Variants in SLC19A2 observed in about 807,000 individuals in gnomAD.
The protein encoded by SLC19A2 is thiamine transporter 1.
A neutral mutation model predicts 44.7 loss-of-function variants in SLC19A2; 27 were observed. That is an observed-to-expected ratio of 0.60 (90% CI 0.45 to 0.83). The LOEUF (loss-of-function observed/expected upper bound fraction) is 0.83. SLC19A2 is among the 40% of genes least tolerant of loss of function. The pLI is 0.00. For missense variants in SLC19A2, 566 were observed against 613.7 expected, an observed-to-expected ratio of 0.92 and a Z score of 0.82; for synonymous variants, 239 against 243.6, an observed-to-expected ratio of 0.98 and a Z score of 0.18.
chr1:169,473,530 G>T (rs1447899132), intron 2 of SLC19A2, among the ~76,000 whole-genome samples: 1 of 151,866 alleles, frequency 6.6e-6, no homozygotes, highest in Non-Finnish European at 1.5e-5. Context: ...ACAGGTGTGA[G>T]TCACCATGCC....
intron 1 of SLC19A2, among the ~76,000 whole-genome samples, chr1:169,481,069 C>A (rs1178050293): frequency 6.6e-6 from 1 of 152,132 alleles, no homozygotes; most frequent in Non-Finnish European, 1.5e-5. Flanking sequence ...AAATAAGAAA[C>A]CTGCATTTTC....
chr1:169,485,474 C>A (rs1320591800), intron 1 of SLC19A2, 89 bp downstream of exon 1: 11 of 1,401,080 alleles, frequency 7.9e-6, no homozygotes, highest in Non-Finnish European at 1.1e-5. Context: ...GAGAATGGCT[C>A]GAGCGCTTTT....
intron 3 of SLC19A2, chr1:169,469,062 G>C (rs537768367): frequency 7.4e-6 from 4 of 538,838 alleles, no homozygotes; most frequent in Non-Finnish European, 1.3e-5. Context: ...GTGGCAATGA[G>C]ATGAAAATGC....
chr1:169,483,653 T>C (rs1053788888), intron 1 of SLC19A2, among the ~76,000 whole-genome samples: 1 of 152,240 alleles, frequency 6.6e-6, no homozygotes, highest in African/African-American at 2.4e-5. Context: ...AGCTTTCTGA[T>C]AGGACAGAGC....
rs1015147875 is a variant in SLC19A2 at position 169,476,797 on chromosome 1, T to G, written c.807+358A>C. Among the ~76,000 whole-genome samples the G allele has an allele frequency of 2.0e-5, 3 of 152,302 alleles. No homozygotes were observed. In the South Asian group the frequency reaches 6.2e-4, roughly 32 times the overall value. On this transcript the variant is annotated intron_variant, in intron 2 of 5. Transcript: ENST00000236137. ...GTAGATACTTAATCATTTATTAGAATCATTTCATCTACTCATTTAGCAACA... is the reference window on the plus strand; with the variant it reads ...GTAGATACTTAATCATTTATTAGAAGCATTTCATCTACTCATTTAGCAACA...
At position 169,485,740 on chromosome 1, in the gene SLC19A2, C is replaced by T. The variant is rs746840565; in HGVS notation, c.27G>A (p.Arg9=). The change falls in exon 1 of 6, where the codon CGG becomes CGA. Residue 9 remains arginine (R), a synonymous_variant. Coordinates refer to ENST00000236137, the MANE Select transcript of SLC19A2 (RefSeq NM_006996.3). The part of the protein sequence containing the change: MDVPGPVS[R]RAAAAAATVL... ...CAGTGGCCGCCGCCGCCGCCGCCCG[C>T]CGAGACACCGGGCCGGGCACATCCA... 5.4e-5 allele frequency: 83 copies of T among 1,536,334 alleles called. 1 individual carries two copies. Among genetic ancestry groups the T allele is most frequent in the Non-Finnish European group, 1.7e-6 (2 of 1,145,308 alleles).
rs1424765654 is a variant in SLC19A2 at position 169,465,890 on chromosome 1, G to A, written c.1453C>T (p.Leu485=). The A allele has an allele frequency of 6.2e-7, 1 of 1,613,990 alleles. No individual in the cohort carries two copies. The highest frequency in any genetic ancestry group is 8.5e-7 in the Non-Finnish European group (1 of 1,179,894). Residue 485 remains leucine, a synonymous_variant, in exon 6 of 6, where the codon CTG becomes TTG. Coordinates refer to ENST00000236137, the MANE Select transcript of SLC19A2 (RefSeq NM_006996.3). ...TGAGAACTTGATTGTGGATCTTCCAGCTTTCTACATTTCTTCATAACACTG... is the reference window on the plus strand; with the variant it reads ...TGAGAACTTGATTGTGGATCTTCCAACTTTCTACATTTCTTCATAACACTG... The part of the protein sequence containing the change: ...AVSVMKKCRK[L]EDPQSSSQVT...
chr1:169,478,020 C>A (rs1658365551), intron 1 of SLC19A2, among the ~76,000 whole-genome samples: 1 of 152,124 alleles, frequency 6.6e-6, no homozygotes, highest in Non-Finnish European at 1.5e-5. Context: ...GATTCTCCTG[C>A]CTCAGCCTCC....
At chr1:169,471,313 C>T (rs1658171769) in intron 2 of SLC19A2, among the ~76,000 whole-genome samples, 1 of 151,806 alleles carries the variant, frequency 6.6e-6, no homozygotes, top group Non-Finnish European at 1.5e-5. Context: ...TTTTATATAG[C>T]TTTCTGTAAC....
chr1:169,468,115 GTGGTAATTTC>G lies in SLC19A2; in HGVS notation c.1351_1360del (p.Glu451LeufsTer4). 1 of 1,613,922 alleles carries G rather than the reference GTGGTAATTTC, an allele frequency of 6.2e-7. No individual in the cohort carries two copies. Among genetic ancestry groups the G allele is most frequent in the Non-Finnish European group, 8.5e-7 (1 of 1,179,818 alleles). ...ATGCCAAAGGAGAGATCTTACCTGA[GTGGTAATTTC>G]TAATCCAAGGCCACTGGCATCTACC... On this transcript the variant is annotated frameshift_variant, in exon 5 of 6. Transcript: ENST00000236137. LOFTEE classifies it high-confidence loss of function.
chr1:169,476,803 C>A (rs1422533649), intron 2 of SLC19A2, among the ~76,000 whole-genome samples: 1 of 152,124 alleles, frequency 6.6e-6, no homozygotes, highest in African/African-American at 2.4e-5. Flanking sequence ...AGAATCATTT[C>A]ATCTACTCAT....
chr1:169,477,607 G>C lies in SLC19A2; in HGVS notation c.355C>G (p.Gln119Glu). The change falls in exon 2 of 6, where the codon CAG (glutamine) becomes GAG (glutamate). Residue 119 changes from glutamine (Q) to glutamate (E), a missense_variant. Coordinates refer to ENST00000236137, the MANE Select transcript of SLC19A2 (RefSeq NM_006996.3). ...IVTWFMLLYAQGLLAIQFLEF... is the reference protein window; with the variant it reads ...IVTWFMLLYAEGLLAIQFLEF... ...AGAAATTGAATGGCCAGCAGTCCCT[G>C]GGCATAGAGCAGCATAAACCATGTA... 7.4e-6 allele frequency: 12 copies of C among 1,614,112 alleles called. No homozygotes were observed. The highest frequency in any genetic ancestry group is 1.0e-5 in the Non-Finnish European group (12 of 1,180,016).
intron 1 of SLC19A2, 93 bp downstream of exon 1, chr1:169,485,470 G>T: frequency 7.4e-7 from 1 of 1,360,380 alleles, no homozygotes; most frequent in Non-Finnish European, 1.0e-6. Flanking sequence ...TGCCGAGAAT[G>T]GCTCGAGCGC....
intron 1 of SLC19A2, among the ~76,000 whole-genome samples, chr1:169,480,940 T>C (rs776123808): frequency 6.6e-6 from 1 of 152,156 alleles, no homozygotes; most frequent in Non-Finnish European, 1.5e-5. Context: ...AAAACTACAA[T>C]TTAGATAATG....
chr1:169,468,865 A>C, intron 3 of SLC19A2, 29 bp from the exon 4 acceptor site: 1 of 1,596,238 alleles, frequency 6.3e-7, no homozygotes, highest in Non-Finnish European at 8.6e-7. Context: ...AAATCCAATT[A>C]TTTTGCTACA....
At chr1:169,470,670 G>A (rs958662811) in intron 2 of SLC19A2, among the ~76,000 whole-genome samples, 3 of 152,110 alleles carry the variant, frequency 2.0e-5, no homozygotes, top group African/African-American at 7.2e-5. Context: ...TTCTCTCTAG[G>A]TGGTGGGTTC....
intron 1 of SLC19A2, among the ~76,000 whole-genome samples, chr1:169,479,139 T>C (rs6427193): frequency 0.26 from 40,002 of 152,130 alleles, 6,451 homozygotes; most frequent in Non-Finnish European, 0.37. Context: ...TTCTTACTTC[T>C]AGACACAAGA....
chr1:169,469,864 T>C lies in SLC19A2; in HGVS notation c.1030+100A>G, dbSNP rs1571532505. On this transcript the variant is annotated intron_variant, in intron 3 of 5. Coordinates refer to ENST00000236137, the MANE Select transcript of SLC19A2 (RefSeq NM_006996.3). ...TCAAAATAATCATTTTTTGAGGCTA[T>C]TTCAAATTTGGGAGGGGTGAATAAA... is the stretch of plus-strand genomic sequence containing the variant. 24 of 1,110,014 alleles carry C rather than the reference T, an allele frequency of 2.2e-5. No individual in the cohort carries two copies. The East Asian group carries it at 5.4e-4, about 25-fold the overall frequency. 68.8% of individuals were successfully genotyped at this position (1,110,014 alleles called of 1,614,324 possible).
chr1:169,476,072 C>T (rs757182313), intron 2 of SLC19A2, among the ~76,000 whole-genome samples: 1 of 151,530 alleles, frequency 6.6e-6, no homozygotes, highest in African/African-American at 2.4e-5. Context: ...ACTAAGACTA[C>T]AGTGTGGCTG....
Sources: gnomAD v4.1 joint callset for allele counts (sites outside exome capture counted in the v4.1 genomes callset) on GRCh38, gnomAD v4.1.1 for gene constraint, MANE v1.5 for transcripts, NCBI Gene and HGNC (gene_info 2026-07-23, HGNC 2026-07-21) for gene names.